CADM1: variants seen among roughly 807,000 people sequenced by gnomAD.
CADM1 encodes the protein TSLC-1.
A neutral mutation model predicts 53.1 loss-of-function variants in CADM1; 15 were observed. That is an observed-to-expected ratio of 0.28 (90% CI 0.19 to 0.44). The LOEUF is 0.44. Among genes scored for constraint, CADM1 ranks in the 20% least tolerant of loss-of-function variants. The pLI is 1.00. For missense variants in CADM1, 434 were observed against 611.3 expected (o/e 0.71, Z 3.06); for synonymous variants, 281 against 243.0 (o/e 1.16, Z -1.45).
intron 1 of CADM1, among the ~76,000 whole-genome samples, chr11:115,263,720 T>A (rs1324112013): frequency 6.6e-6 from 1 of 152,134 alleles, no homozygotes; most frequent in East Asian, 1.9e-4. Flanking sequence ...ATATCCAGCA[T>A]AACAGAATTA....
chr11:115,279,713 G>C (rs1943536837), intron 1 of CADM1, among the ~76,000 whole-genome samples: 1 of 152,076 alleles, frequency 6.6e-6, no homozygotes, highest in South Asian at 2.1e-4. Context: ...CAAAACAAAA[G>C]CTTTTTGTCA....
At chr11:115,399,116 A>G (rs1282162890) in intron 1 of CADM1, 1 of 152,198 alleles carries the variant, frequency 6.6e-6, no homozygotes, top group Non-Finnish European at 1.5e-5. Context: ...AGGAAATAGA[A>G]GAAGAAAAAG....
rs66872817 is a variant in CADM1, at chr11:115,428,005, C to CAA, written c.124+76264_124+76265dup. ...TGGGCGACAGAGCAAGACTCCATCT[C>CAA]AAAAAAAAAAAAAAAAAAAAAAAAA... On this transcript the variant is annotated intron_variant, in intron 1 of 11. Coordinates refer to ENST00000331581, the MANE Select transcript of CADM1 (RefSeq NM_001301043.2). Among the ~76,000 whole-genome samples, 133 of 54,034 alleles carry CAA rather than the reference C, an allele frequency of 2.5e-3. 4 individuals carry two copies. The highest frequency in any genetic ancestry group is 4.6e-3 in the African/African-American group (52 of 11,282). 35.4% of individuals were successfully genotyped at this position (54,034 alleles called of 152,430 possible). A position where few individuals can be genotyped will look rare whatever the true frequency, so the allele number is the denominator to read the frequency against.
At chr11:115,203,447 A>G (rs1940533568) in intron 8 of CADM1, among the ~76,000 whole-genome samples, 1 of 152,162 alleles carries the variant, frequency 6.6e-6, no homozygotes, top group South Asian at 2.1e-4. Flanking sequence ...GTTGTAGCAC[A>G]TTTTTAAGTC....
chr11:115,406,816 G>A (rs536026362), intron 1 of CADM1, among the ~76,000 whole-genome samples: 1 of 151,600 alleles, frequency 6.6e-6, no homozygotes, highest in South Asian at 2.1e-4. Context: ...GGGCATGGTG[G>A]TGGGTGCCTG....
intron 1 of CADM1, among the ~76,000 whole-genome samples, chr11:115,349,738 CAAG>C (rs1945676817): frequency 6.6e-6 from 1 of 152,180 alleles, no homozygotes; most frequent in African/African-American, 2.4e-5. Context: ...GCTTGACAGA[CAAG>C]AAGATCCCAG....
At chr11:115,328,276 C>T (rs953427308) in intron 1 of CADM1, among the ~76,000 whole-genome samples, 1 of 152,004 alleles carries the variant, frequency 6.6e-6, no homozygotes, top group Non-Finnish European at 1.5e-5. Context: ...GCATTTACTA[C>T]CATGTTCATT....
intron 1 of CADM1, among the ~76,000 whole-genome samples, chr11:115,246,807 A>C (rs1942423432): frequency 6.6e-6 from 1 of 152,240 alleles, no homozygotes; most frequent in Non-Finnish European, 1.5e-5. Context: ...TCTCAAAAGA[A>C]TCTTCTGCTA....
chr11:115,354,846 C>T (rs1193174926), intron 1 of CADM1, among the ~76,000 whole-genome samples: 1 of 152,130 alleles, frequency 6.6e-6, no homozygotes, highest in Non-Finnish European at 1.5e-5. Context: ...GGACTCTCAA[C>T]AAATTAGTAA....
intron 1 of CADM1, among the ~76,000 whole-genome samples, chr11:115,413,543 A>T (rs1947509945): frequency 6.7e-6 from 1 of 148,914 alleles, no homozygotes; most frequent in Admixed American, 6.7e-5. Context: ...AACACAAGAA[A>T]ATTCTAGCAT....
intron 1 of CADM1, among the ~76,000 whole-genome samples, chr11:115,434,505 T>C (rs970357722): frequency 1.3e-5 from 2 of 152,210 alleles, no homozygotes; most frequent in African/African-American, 4.8e-5. Flanking sequence ...CTGCCATTTA[T>C]TATGCTATCT....
chr11:115,448,989 T>C (rs569759214), intron 1 of CADM1, among the ~76,000 whole-genome samples: 3 of 152,324 alleles, frequency 2.0e-5, no homozygotes, highest in African/African-American at 7.2e-5. Context: ...TTTTTACTTC[T>C]GTCTGAAAGT....
chr11:115,434,586 T>C (rs1948135510), intron 1 of CADM1, among the ~76,000 whole-genome samples: 2 of 152,152 alleles, frequency 1.3e-5, no homozygotes, highest in African/African-American at 4.8e-5. Flanking sequence ...TCTCACTTCA[T>C]AGAAATCTTG....
In CADM1 at chr11:115,395,997, T is replaced by G. The variant is rs142086897; in HGVS notation, c.124+108274A>C. Among the ~76,000 whole-genome samples, 9 of 152,338 alleles carry G rather than the reference T, an allele frequency of 5.9e-5. No individual in the cohort carries two copies. In the East Asian group the frequency reaches 1.4e-3, roughly 23 times the overall value. ...TTCATCATGCACACAGGATCACCTG[T>G]GTACTTAGCTTAACTCTGTAGAAAT... On this transcript the variant is annotated intron_variant, in intron 1 of 11. Transcript: ENST00000331581.
chr11:115,200,559 G>T (rs1940373453), intron 8 of CADM1, among the ~76,000 whole-genome samples: 1 of 152,084 alleles, frequency 6.6e-6, no homozygotes, highest in Non-Finnish European at 1.5e-5. Context: ...GCAACGGCGT[G>T]ATCTTGGCTC....
intron 1 of CADM1, chr11:115,397,568 T>C (rs1269785432): frequency 6.6e-6 from 1 of 152,216 alleles, no homozygotes; most frequent in Non-Finnish European, 1.5e-5. Context: ...TAAACTGATA[T>C]GTAACCCAAG....
At chr11:115,399,311 C>CGTAT (rs1318391128) in intron 1 of CADM1, 1 of 152,098 alleles carries the variant, frequency 6.6e-6, no homozygotes, top group Admixed American at 6.6e-5. Flanking sequence ...TAACAAAACA[C>CGTAT]GTATATCAAG....
chr11:115,175,842 G>C lies in CADM1; in HGVS notation c.*632C>G. 1 of 994,596 alleles carries C rather than the reference G, an allele frequency of 1.0e-6. No individual in the cohort carries two copies. The highest frequency in any genetic ancestry group is 1.2e-6 in the Non-Finnish European group (1 of 835,418). 61.6% of individuals were successfully genotyped at this position (994,596 alleles called of 1,614,324 possible). ...TCACTGCTCTAAGTATTTGAAACAT[G>C]GGCAGCAGCAAAGAGTTTTCATTGT... On this transcript the variant is annotated 3_prime_UTR_variant, in exon 12 of 12. Coordinates refer to ENST00000331581, the MANE Select transcript of CADM1 (RefSeq NM_001301043.2).
chr11:115,340,626 T>TTATATATATA lies in CADM1; in HGVS notation c.125-100216_125-100207dup, dbSNP rs869156485. 3.7e-3 allele frequency among the ~76,000 whole-genome samples: 177 copies of TTATATATATA among 48,206 alleles called. 6 individuals are homozygous for TTATATATATA. Among genetic ancestry groups the TTATATATATA allele is most frequent in the East Asian group, 7.1e-3 (11 of 1,546 alleles). 31.6% of individuals were successfully genotyped at this position (48,206 alleles called of 152,430 possible). Reference sequence around the variant, plus strand: ...GTGGAGTCACACAACATAATAAATATTATATATATATATATATATATATAT... The same window carrying TTATATATATA: ...GTGGAGTCACACAACATAATAAATATTATATATATATATATATATATATATATATATATAT... On this transcript the variant is annotated intron_variant, in intron 1 of 11. Transcript: ENST00000331581.
Sources: gnomAD v4.1 joint callset for allele counts (sites outside exome capture counted in the v4.1 genomes callset) on GRCh38, gnomAD v4.1.1 for gene constraint, MANE v1.5 for transcripts, NCBI Gene and HGNC (gene_info 2026-07-23, HGNC 2026-07-21) for gene names.